The following NDST2 variants were observed in gnomAD, a reference collection of about 807,000 sequenced individuals.
The protein encoded by NDST2 is N-deacetylase and N-sulfotransferase 2, also known as bifunctional heparan sulfate N-deacetylase/N-sulfotransferase 2.
In NDST2, 32 loss-of-function variants were observed where a neutral mutation model predicts 86.9. The observed-to-expected ratio is 0.37, with a 90% CI of 0.28 to 0.49. The LOEUF (loss-of-function observed/expected upper bound fraction) is 0.49, where lower values mean the gene tolerates loss of function less well. NDST2 is among the 20% of genes least tolerant of loss of function. NDST2 has a pLI of 0.97. For synonymous variants in NDST2, 409 were observed against 437.0 expected (o/e 0.94, Z 0.80); for missense variants, 950 against 1,146.9 (o/e 0.83, Z 2.48).
At position 73,802,692 on chromosome 10, in the gene NDST2, ATACCTCCGGCCT is replaced by A. The variant is rs1420012704; in HGVS notation, c.2496_2507del (p.Lys832_Tyr836delinsAsn). 7 of 1,614,138 alleles carry A rather than the reference ATACCTCCGGCCT, an allele frequency of 4.3e-6. No individual in the cohort carries two copies. Among genetic ancestry groups the A allele is most frequent in the Non-Finnish European group, 5.1e-6 (6 of 1,180,010 alleles). On this transcript the variant is annotated inframe_deletion, in exon 14 of 15. Transcript: ENST00000309979. ...TACTTACCTCAGTGTCCATATCTGG[ATACCTCCGGCCT>A]TTGCTCCGGCCTAGACAGCGAGTCT... is the stretch of plus-strand genomic sequence containing the variant.
chr10:73,805,254 T>C (rs2084079519), intron 8 of NDST2, among the ~76,000 whole-genome samples: 2 of 151,642 alleles, frequency 1.3e-5, no homozygotes, highest in South Asian at 4.2e-4. Context: ...GGCTTACATA[T>C]GTAATCCCAG....
In NDST2 at chr10:73,808,131, C is replaced by T. The variant is rs1449755594; in HGVS notation, c.258G>A (p.Val86=). The change falls in exon 3 of 15, where the codon GTG becomes GTA. Residue 86 remains valine (V), a synonymous_variant. Coordinates refer to ENST00000309979, the MANE Select transcript of NDST2 (RefSeq NM_003635.4). The surrounding 1 kb of genome is among the most constrained non-coding windows in gnomAD (Gnocchi z 4.3). ...RPPETARTEP[V]VLVFVESAYS... is the part of the protein sequence containing the mutation. ...ATGCACTCTCCACAAACACAAGGAC[C>T]ACGGGTTCAGTTCGAGCTGTCTCTG... is the stretch of plus-strand genomic sequence containing the variant. 1.9e-6 allele frequency: 3 copies of T among 1,614,188 alleles called. No homozygotes were observed. Among genetic ancestry groups the T allele is most frequent in the Non-Finnish European group, 1.7e-6 (2 of 1,180,038 alleles).
intron 7 of NDST2, 36 bp downstream of exon 7, chr10:73,805,864 T>C (rs1435864316): frequency 6.2e-7 from 1 of 1,613,790 alleles, no homozygotes; most frequent in Non-Finnish European, 8.5e-7. Flanking sequence ...ACACCTTGGC[T>C]CTCCAATCTT....
At position 73,804,879 on chromosome 10, in the gene NDST2, G is replaced by A. The variant is rs746818242; in HGVS notation, c.1747-10C>T. The stretch of plus-strand genomic sequence containing the variant: ...TGTCATCACAGGGATTCTGAAGCCA[G>A]GGCCAATAATCAGATAAGGCCTATT... On this transcript the variant is annotated splice_polypyrimidine_tract_variant and intron_variant, in intron 8 of 14. Transcript: ENST00000309979. The A allele has an allele frequency of 6.3e-7, 1 of 1,578,204 alleles. No homozygotes were observed. Among genetic ancestry groups the A allele is most frequent in the East Asian group, 2.3e-5 (1 of 44,324 alleles).
intron 13 of NDST2, 29 bp from the exon 14 acceptor site, chr10:73,802,805 G>T: frequency 6.2e-7 from 1 of 1,601,422 alleles, no homozygotes; most frequent in Non-Finnish European, 8.6e-7. Flanking sequence ...CCATGAGGTG[G>T]CAGGGAAAAG....
At position 73,808,479 on chromosome 10, in the gene NDST2, A is replaced by G. The variant is rs1174832928; in HGVS notation, c.-91T>C. 1 of 1,288,168 alleles carries G rather than the reference A, an allele frequency of 7.8e-7. No homozygotes were observed. 79.8% of individuals were successfully genotyped at this position (1,288,168 alleles called of 1,614,324 possible). ...GGCTAGGACTGTCTTGGAAGGGTAG[A>G]AGGATAGGAAAATAGGGGACAGGGA... On this transcript the variant is annotated 5_prime_UTR_variant, in exon 3 of 15. Coordinates refer to ENST00000309979, the MANE Select transcript of NDST2 (RefSeq NM_003635.4). This position sits in a 1 kb window ranked among gnomAD's most constrained non-coding sequence, Gnocchi z 4.3.
Position 73,808,136 on chromosome 10 carries a change from G to A in NDST2, c.253C>T (p.Pro85Ser), listed in dbSNP as rs939352480. The A allele has an allele frequency of 6.2e-7, 1 of 1,614,232 alleles. No homozygotes were observed. The highest frequency in any genetic ancestry group is 2.2e-5 in the East Asian group (1 of 44,892). Residue 85 changes from proline to serine, a missense_variant, in exon 3 of 15, where the codon CCC (proline) becomes TCC (serine). Transcript: ENST00000309979. This position sits in a 1 kb window ranked among gnomAD's most constrained non-coding sequence, Gnocchi z 4.3. ...CTCTCCACAAACACAAGGACCACGG[G>A]TTCAGTTCGAGCTGTCTCTGGAGGC... The part of the protein sequence containing the change: ...PRPPETARTE[P>S]VVLVFVESAY...
chr10:73,807,878 A>G lies in NDST2; in HGVS notation c.511T>C (p.Phe171Leu), dbSNP rs1388738614. 1.2e-6 allele frequency: 2 copies of G among 1,613,818 alleles called. No individual in the cohort carries two copies. The highest frequency in any genetic ancestry group is 8.5e-7 in the Non-Finnish European group (1 of 1,179,924). Residue 171 changes from phenylalanine (F) to leucine (L), a missense_variant, in exon 3 of 15, where the codon TTT (phenylalanine) becomes CTT (leucine). Phe to Leu is a conservative substitution (Grantham distance 22, BLOSUM62 0). Transcript: ENST00000309979. ...AGGCTGTGCTCGTGGGCTCGGAAAAAGCCAATGATGCCCACACCATACTCC... is the reference window on the plus strand; with the variant it reads ...AGGCTGTGCTCGTGGGCTCGGAAAAGGCCAATGATGCCCACACCATACTCC... ...CVEYGVGIIG[F>L]FRAHEHSLLS...
In NDST2 at chr10:73,808,463, T is replaced by C; in HGVS notation, c.-75A>G. On this transcript the variant is annotated 5_prime_UTR_variant, in exon 3 of 15. Coordinates refer to ENST00000309979, the MANE Select transcript of NDST2 (RefSeq NM_003635.4). The surrounding 1 kb of genome is among the most constrained non-coding windows in gnomAD (Gnocchi z 4.3). ...AGGTAGGAGTTCTATAGGCTAGGAC[T>C]GTCTTGGAAGGGTAGAAGGATAGGA... The C allele has an allele frequency of 7.1e-7, 1 of 1,407,318 alleles. No individual in the cohort carries two copies. Among genetic ancestry groups the C allele is most frequent in the South Asian group, 1.4e-5 (1 of 70,840 alleles). 87.2% of individuals were successfully genotyped at this position (1,407,318 alleles called of 1,614,324 possible).
Position 73,808,487 on chromosome 10 carries a change from G to A in NDST2, c.-99C>T, listed in dbSNP as rs3758492. ...CTGTCTTGGAAGGGTAGAAGGATAG[G>A]AAAATAGGGGACAGGGATTCCCTTG... On this transcript the variant is annotated 5_prime_UTR_variant, in exon 3 of 15. Coordinates refer to ENST00000309979, the MANE Select transcript of NDST2 (RefSeq NM_003635.4). The surrounding 1 kb of genome is among the most constrained non-coding windows in gnomAD (Gnocchi z 4.3). The A allele has an allele frequency of 2.3e-3, 2,792 of 1,191,922 alleles. 56 individuals carry two copies. The East Asian group carries it at 0.044, about 19-fold the overall frequency. 73.8% of individuals were successfully genotyped at this position (1,191,922 alleles called of 1,614,324 possible).
chr10:73,806,643 T>A lies in NDST2; in HGVS notation c.1248+14A>T. On this transcript the variant is annotated intron_variant, in intron 5 of 14. Coordinates refer to ENST00000309979, the MANE Select transcript of NDST2 (RefSeq NM_003635.4). This position sits in a 1 kb window ranked among gnomAD's most constrained non-coding sequence, Gnocchi z 4.5. ...GCTGGGAGAAATTATGGGGAAGAGA[T>A]CCAAGGGTCTCACCAGAGCAAACTG... The A allele has an allele frequency of 6.2e-7, 1 of 1,608,846 alleles. No homozygotes were observed. Among genetic ancestry groups the A allele is most frequent in the Non-Finnish European group, 8.5e-7 (1 of 1,175,684 alleles).
chr10:73,802,994 G>C lies in NDST2; in HGVS notation c.2401C>G (p.Leu801Val). The C allele has an allele frequency of 6.2e-7, 1 of 1,614,184 alleles. No homozygotes were observed. Among genetic ancestry groups the C allele is most frequent in the Non-Finnish European group, 8.5e-7 (1 of 1,180,022 alleles). The change falls in exon 13 of 15, where the codon CTG becomes GTG. Residue 801 changes from leucine to valine, a missense_variant. Coordinates refer to ENST00000309979, the MANE Select transcript of NDST2 (RefSeq NM_003635.4). ...CACCTGAGGGTCCGTGTGTAGTTCA[G>C]AAAGGGTGTGATACCCAGGAACTTC... ...IQKFLGITPF[L>V]NYTRTLRFDD...
intron 11 of NDST2, 105 bp downstream of exon 11, chr10:73,803,469 T>TAGTTA (rs1217989250): frequency 1.3e-6 from 2 of 1,538,530 alleles, no homozygotes; most frequent in Non-Finnish European, 1.8e-6. Flanking sequence ...CCCAAGGCAC[T>TAGTTA]AGTTAAGTTT....
upstream of NDST2, chr10:73,811,762 C>G (rs1000428573): frequency 2.0e-5 from 3 of 152,176 alleles, no homozygotes; most frequent in East Asian, 5.8e-4. Flanking sequence ...GCCTCCGAGA[C>G]GGCGGGCTCC....
At position 73,805,924 on chromosome 10, in the gene NDST2, G is replaced by T. The variant is rs1463819506; in HGVS notation, c.1539C>A (p.Leu513=). Residue 513 remains leucine (L), a synonymous_variant, in exon 7 of 15, where the codon CTC becomes CTA. Transcript: ENST00000309979. The part of the protein sequence containing the change: ...ELDRSIRGGE[L]FLTVLLNPIS... ...CCGGATTAAGCAGCACTGTCAGAAAGAGCTCTCCACCTCGGATGCTCCGGT... is the reference window on the plus strand; with the variant it reads ...CCGGATTAAGCAGCACTGTCAGAAATAGCTCTCCACCTCGGATGCTCCGGT... 4 of 1,614,200 alleles carry T rather than the reference G, an allele frequency of 2.5e-6. No individual in the cohort carries two copies. The Admixed American group carries it at 6.7e-5, about 27-fold the overall frequency.
rs1390685228 is a variant in NDST2, at chr10:73,808,064, T to C, written c.325A>G (p.Ser109Gly). Residue 109 changes from serine (S) to glycine (G), a missense_variant, in exon 3 of 15, where the codon AGT (serine) becomes GGT (glycine). Around this residue, in one of 5 missense-constraint regions of NDST2, gnomAD observed 586 missense variants for 714.0 expected, o/e 0.82. Transcript: ENST00000309979. The surrounding 1 kb of genome is among the most constrained non-coding windows in gnomAD (Gnocchi z 4.3). ...AACTCAGTGCTATAACGAAAACGAC[T>C]AGACTCCAGGATGGCCACAATTTCC... ...GQEIVAILES[S>G]RFRYSTELAP... The C allele has an allele frequency of 6.2e-7, 1 of 1,614,218 alleles. No individual in the cohort carries two copies. The highest frequency in any genetic ancestry group is 8.5e-7 in the Non-Finnish European group (1 of 1,180,036).
chr10:73,808,477 A>G lies in NDST2; in HGVS notation c.-89T>C. ...TAGGCTAGGACTGTCTTGGAAGGGT[A>G]GAAGGATAGGAAAATAGGGGACAGG... On this transcript the variant is annotated 5_prime_UTR_variant, in exon 3 of 15. Coordinates refer to ENST00000309979, the MANE Select transcript of NDST2 (RefSeq NM_003635.4). The surrounding 1 kb of genome is among the most constrained non-coding windows in gnomAD (Gnocchi z 4.3). 1 of 1,310,960 alleles carries G rather than the reference A, an allele frequency of 7.6e-7. No homozygotes were observed. The highest frequency in any genetic ancestry group is 2.5e-5 in the East Asian group (1 of 39,470). 81.2% of individuals were successfully genotyped at this position (1,310,960 alleles called of 1,614,324 possible). A position where few individuals can be genotyped will look rare whatever the true frequency, so the allele number is the denominator to read the frequency against.
chr10:73,807,267 C>T, intron 3 of NDST2, 72 bp from the exon 4 acceptor site: 1 of 1,562,318 alleles, frequency 6.4e-7, no homozygotes, highest in Non-Finnish European at 8.8e-7. Flanking sequence ...AAGTAGCATT[C>T]TTCCTGCCTG....
chr10:73,806,376 C>A lies in NDST2; in HGVS notation c.1347G>T (p.Val449=). The A allele has an allele frequency of 6.2e-7, 1 of 1,614,166 alleles. No homozygotes were observed. Among genetic ancestry groups the A allele is most frequent in the Non-Finnish European group, 8.5e-7 (1 of 1,180,022 alleles). The change falls in exon 6 of 15, where the codon GTG becomes GTT. Residue 449 remains valine (V), a synonymous_variant. Coordinates refer to ENST00000309979, the MANE Select transcript of NDST2 (RefSeq NM_003635.4). The surrounding 1 kb of genome is among the most constrained non-coding windows in gnomAD (Gnocchi z 4.5). ...HTQLYEAWKS[V]WGIQVTSTEE... is the part of the protein sequence containing the mutation. ...CAGTGCTGGTCACCTGGATGCCCCA[C>A]ACGGATTTCCAGGCCTCATAGAGCT...
Sources: allele counts gnomAD v4.1 joint callset (sites outside exome capture counted in the v4.1 genomes callset), GRCh38; gene constraint gnomAD v4.1.1; regional missense constraint gnomAD v4.1.1; non-coding constraint Gnocchi (gnomAD v3.1); transcripts MANE v1.5; gene names NCBI Gene and HGNC (gene_info 2026-07-23, HGNC 2026-07-21).